Variants in GBE1 observed in about 807,000 individuals in gnomAD.
The protein encoded by GBE1 is 1,4-alpha-glucan-branching enzyme.
A neutral mutation model predicts 88.8 loss-of-function variants in GBE1; 70 were observed. The observed-to-expected ratio is 0.79, with a 90% CI of 0.65 to 0.96. GBE1 has a LOEUF of 0.96. GBE1 is among the 40% of genes least tolerant of loss of function. GBE1 has a pLI of 0.00. For synonymous variants in GBE1, 284 were observed against 300.1 expected (o/e 0.95, Z 0.56); for missense variants, 872 against 871.0 (o/e 1.00, Z -0.01).
intron 12 of GBE1, among the ~76,000 whole-genome samples, chr3:81,540,089 A>C (rs2106876554): frequency 6.6e-6 from 1 of 152,080 alleles, no homozygotes; most frequent in Admixed American, 6.6e-5. Context: ...AAAACATAGA[A>C]GGCTAAGAAA....
chr3:81,560,313 T>A (rs1394190342), intron 12 of GBE1, among the ~76,000 whole-genome samples: 1 of 151,988 alleles, frequency 6.6e-6, no homozygotes, highest in East Asian at 1.9e-4. Flanking sequence ...ATAGATCAGA[T>A]AATGTTTCTT....
chr3:81,696,698 T>C (rs1393788146), intron 2 of GBE1, among the ~76,000 whole-genome samples: 1 of 152,050 alleles, frequency 6.6e-6, no homozygotes, highest in Non-Finnish European at 1.5e-5. Context: ...AACAAGATAA[T>C]TTTACAGACA....
chr3:81,657,500 T>C (rs1268786296), intron 3 of GBE1, among the ~76,000 whole-genome samples: 1 of 152,160 alleles, frequency 6.6e-6, no homozygotes, highest in Non-Finnish European at 1.5e-5. Context: ...TTTATATTTC[T>C]ATTAATGGGG....
rs148257162 is a variant in GBE1 at position 81,673,970 on chromosome 3, T to C, written c.314-3017A>G. 3.6e-3 allele frequency among the ~76,000 whole-genome samples: 542 copies of C among 152,054 alleles called. 3 individuals are homozygous for C. The highest frequency in any genetic ancestry group is 8.9e-3 in the African/African-American group (370 of 41,564). ...CCAGTACATTAGCCATCATAAACTA[T>C]GTAGAGCATACTAAAGATTTCATAT... On this transcript the variant is annotated intron_variant, in intron 2 of 15. Transcript: ENST00000429644.
chr3:81,687,114 G>A (rs1705453448), intron 2 of GBE1, among the ~76,000 whole-genome samples: 1 of 152,100 alleles, frequency 6.6e-6, no homozygotes, highest in South Asian at 2.1e-4. Context: ...ACTTTTATAA[G>A]CTCCCTACAT....
At chr3:81,618,838 G>T (rs2107008184) in intron 7 of GBE1, among the ~76,000 whole-genome samples, 1 of 152,120 alleles carries the variant, frequency 6.6e-6, no homozygotes, top group Non-Finnish European at 1.5e-5. Flanking sequence ...TAAAGTTATT[G>T]ATGTTCCTTT....
At chr3:81,681,959 T>TAA (rs1705351233) in intron 2 of GBE1, among the ~76,000 whole-genome samples, 1 of 152,140 alleles carries the variant, frequency 6.6e-6, no homozygotes. Flanking sequence ...TTTTGCATGT[T>TAA]AAAGGACACT....
At chr3:81,650,051 T>G in intron 3 of GBE1, 130 bp from the exon 4 acceptor site, 2 of 643,210 alleles carry the variant, frequency 3.1e-6, no homozygotes, top group Non-Finnish European at 5.3e-6. Context: ...CATACAGATG[T>G]GTGACCTTCA....
At chr3:81,622,280 A>G (rs1704343461) in intron 7 of GBE1, among the ~76,000 whole-genome samples, 1 of 152,184 alleles carries the variant, frequency 6.6e-6, no homozygotes, top group South Asian at 2.1e-4. Flanking sequence ...CTCAATCCTC[A>G]TCTAAATTAA....
At chr3:81,642,617 G>A in intron 7 of GBE1, 164 bp downstream of exon 7, 2 of 577,574 alleles carry the variant, frequency 3.5e-6, no homozygotes, top group Non-Finnish European at 6.0e-6. Flanking sequence ...ACAAATACAT[G>A]TGCTATACAA....
chr3:81,647,246 C>G (rs1468580122), intron 5 of GBE1, among the ~76,000 whole-genome samples: 1 of 152,266 alleles, frequency 6.6e-6, no homozygotes, highest in East Asian at 1.9e-4. Flanking sequence ...GCGTGAGCCA[C>G]CGCGCCCAGC....
At chr3:81,532,668 C>A (rs989479413) in intron 14 of GBE1, among the ~76,000 whole-genome samples, 5 of 152,042 alleles carry the variant, frequency 3.3e-5, no homozygotes, top group Admixed American at 6.6e-5. Flanking sequence ...AAACCTGCAG[C>A]AACTCACTAT....
chr3:81,658,110 A>AT (rs1032667077), intron 3 of GBE1, among the ~76,000 whole-genome samples: 2 of 152,058 alleles, frequency 1.3e-5, no homozygotes, highest in Non-Finnish European at 2.9e-5. Context: ...ATCATAATGT[A>AT]TTTTTTTTCT....
chr3:81,668,582 G>A (rs1468358468), intron 3 of GBE1, among the ~76,000 whole-genome samples: 1 of 152,018 alleles, frequency 6.6e-6, no homozygotes, highest in Non-Finnish European at 1.5e-5. Flanking sequence ...CCTCCTACTT[G>A]AGCTAACAAA....
At chr3:81,525,971 T>C (rs1321326469) in intron 14 of GBE1, among the ~76,000 whole-genome samples, 1 of 152,060 alleles carries the variant, frequency 6.6e-6, no homozygotes, top group East Asian at 1.9e-4. Flanking sequence ...GTTGATCTTT[T>C]CAAAAAACCA....
In GBE1 at chr3:81,750,667, A is replaced by ATG. The variant is rs1553696660; in HGVS notation, c.143+10707_143+10708insCA. Among the ~76,000 whole-genome samples, 42 of 78,430 alleles carry ATG rather than the reference A, an allele frequency of 5.4e-4. 3 individuals carry two copies. The highest frequency in any genetic ancestry group is 9.0e-4 in the African/African-American group (11 of 12,170). The allele number at this position is 78,430 out of a possible 152,430, so 51.5% of individuals were successfully genotyped here. On this transcript the variant is annotated intron_variant, in intron 1 of 15. Coordinates refer to ENST00000429644, the MANE Select transcript of GBE1 (RefSeq NM_000158.4). Reference sequence around the variant, plus strand: ...TATGTATATATATATATGTATATATATATATACGTATATATATATATATAT... The same window carrying ATG: ...TATGTATATATATATATGTATATATATGTATATACGTATATATATATATATAT...
chr3:81,713,949 A>T (rs1291790287), intron 1 of GBE1, among the ~76,000 whole-genome samples: 1 of 152,188 alleles, frequency 6.6e-6, no homozygotes, highest in Non-Finnish European at 1.5e-5. Flanking sequence ...TAGAGATAAA[A>T]GACATTATAA....
chr3:81,569,929 T>G (rs1433053365), intron 12 of GBE1, among the ~76,000 whole-genome samples: 1 of 152,132 alleles, frequency 6.6e-6, no homozygotes, highest in African/African-American at 2.4e-5. Flanking sequence ...ATTCTCTGCC[T>G]CAGCCTCCCG....
At chr3:81,575,077 A>T (rs1703627028) in intron 12 of GBE1, among the ~76,000 whole-genome samples, 2 of 151,818 alleles carry the variant, frequency 1.3e-5, no homozygotes, top group Non-Finnish European at 2.9e-5. Context: ...AGGCAGGAGA[A>T]TGGCGTGAAC....
Sources: allele counts gnomAD v4.1 joint callset (sites outside exome capture counted in the v4.1 genomes callset), GRCh38; gene constraint gnomAD v4.1.1; transcripts MANE v1.5; gene names NCBI Gene and HGNC (gene_info 2026-07-23, HGNC 2026-07-21).